The following PRKAR1A variants were observed in gnomAD, a reference collection of about 807,000 sequenced individuals.
The protein encoded by PRKAR1A is cAMP-dependent protein kinase type I-alpha regulatory subunit.
A neutral mutation model predicts 52.0 loss-of-function variants in PRKAR1A; 3 were observed. The observed-to-expected ratio is 0.06, with a 90% confidence interval of 0.03 to 0.15. The LOEUF (loss-of-function observed/expected upper bound fraction) is 0.15. Ranked by LOEUF, PRKAR1A falls within the 10% of genes least tolerant of loss-of-function variation. The probability of loss-of-function intolerance (pLI) is 1.00; values close to 1 mark genes in which losing one functional copy is unlikely to be tolerated. For missense variants in PRKAR1A, 240 were observed against 477.4 expected (o/e 0.50, Z 4.63); for synonymous variants, 188 against 168.4 (o/e 1.12, Z -0.90).
chr17:68,451,232 A>G, the PRKAR1A span, among the ~76,000 whole-genome samples: 4 of 152,350 alleles, frequency 2.6e-5, no homozygotes, highest in South Asian at 2.1e-4. Context: ...GGAGTTCAAG[A>G]CCAGCCTGGC....
At chr17:68,539,242 C>CAGT in intron 11 of PRKAR1A, 1 of 1,182,624 alleles carries the variant, frequency 8.5e-7, no homozygotes. Context: ...CGTCCTGGAC[C>CAGT]AGTGAAAACT....
the PRKAR1A span, chr17:68,436,550 T>C: frequency 1.4e-6 from 2 of 1,436,716 alleles, no homozygotes; most frequent in Admixed American, 3.5e-5. Flanking sequence ...AGAGGGCATC[T>C]GAAAACAGTA....
At chr17:68,440,263 C>G in the PRKAR1A span, among the ~76,000 whole-genome samples, 1 of 152,168 alleles carries the variant, frequency 6.6e-6, no homozygotes, top group East Asian at 1.9e-4. Context: ...TTCCCTATGG[C>G]CCAAGTGTCA....
the PRKAR1A span, among the ~76,000 whole-genome samples, chr17:68,481,766 T>C: frequency 6.6e-6 from 1 of 152,208 alleles, no homozygotes; most frequent in African/African-American, 2.4e-5. Flanking sequence ...AGGCACCCAT[T>C]GTATGCTGGT....
chr17:68,440,426 G>A, the PRKAR1A span, among the ~76,000 whole-genome samples: 2 of 152,104 alleles, frequency 1.3e-5, no homozygotes, highest in South Asian at 4.1e-4. Context: ...GGAAGGATAT[G>A]GGCTTTAAAA....
chr17:68,519,630 C>T (rs1382423577), intron 2 of PRKAR1A, among the ~76,000 whole-genome samples: 1 of 152,220 alleles, frequency 6.6e-6, no homozygotes, highest in Non-Finnish European at 1.5e-5. Context: ...TTCGTCATTA[C>T]TGGGGGGTTG....
chr17:68,536,506 CTT>C (rs904043261), downstream of PRKAR1A: 3 of 454,098 alleles, frequency 6.6e-6, no homozygotes, highest in Admixed American at 7.0e-5. Context: ...AAAAACCTGA[CTT>C]AGTCTTTTTT....
At chr17:68,503,820 A>G in the PRKAR1A span, among the ~76,000 whole-genome samples, 1 of 152,214 alleles carries the variant, frequency 6.6e-6, no homozygotes, top group South Asian at 2.1e-4. Context: ...AGAGAAACGC[A>G]GATCAAAACT....
chr17:68,415,026 A>G, the PRKAR1A span, among the ~76,000 whole-genome samples: 1 of 151,690 alleles, frequency 6.6e-6, no homozygotes, highest in African/African-American at 2.4e-5. Flanking sequence ...TTTCAATTTC[A>G]TTTAGTTCTG....
At chr17:68,515,666 A>G (rs1357412819) in intron 2 of PRKAR1A, 90 bp downstream of exon 2, 11 of 1,419,922 alleles carry the variant, frequency 7.7e-6, no homozygotes, top group Non-Finnish European at 1.1e-5. Flanking sequence ...TTTTTGGAAG[A>G]AAAGGAATCT....
At chr17:68,425,668 C>G in the PRKAR1A span, among the ~76,000 whole-genome samples, 4 of 152,146 alleles carry the variant, frequency 2.6e-5, no homozygotes, top group Non-Finnish European at 5.9e-5. Context: ...TGAAACCATC[C>G]CCTCCAGCAC....
the PRKAR1A span, among the ~76,000 whole-genome samples, chr17:68,434,792 C>A: frequency 6.6e-6 from 1 of 152,186 alleles, no homozygotes; most frequent in African/African-American, 2.4e-5. Context: ...ATCAACAATT[C>A]TTGGAAAATG....
the PRKAR1A span, among the ~76,000 whole-genome samples, chr17:68,457,842 A>C: frequency 2.0e-5 from 3 of 152,196 alleles, no homozygotes; most frequent in Non-Finnish European, 4.4e-5. Context: ...CAAAGGCAGC[A>C]GGCCCACGTG....
At chr17:68,499,211 T>C in the PRKAR1A span, among the ~76,000 whole-genome samples, 1 of 152,222 alleles carries the variant, frequency 6.6e-6, no homozygotes, top group East Asian at 1.9e-4. Context: ...GTGGAATTAC[T>C]TGTAGTTTCC....
chr17:68,473,754 T>C, the PRKAR1A span, among the ~76,000 whole-genome samples: 3 of 152,072 alleles, frequency 2.0e-5, no homozygotes, highest in Admixed American at 6.6e-5. Context: ...AATTCCTGAC[T>C]TTGTGATCCG....
intron 2 of PRKAR1A, among the ~76,000 whole-genome samples, chr17:68,519,394 G>C (rs2085532722): frequency 6.6e-6 from 1 of 152,216 alleles, no homozygotes; most frequent in African/African-American, 2.4e-5. Context: ...GCAAGGAGAA[G>C]GGTCAAGCAA....
chr17:68,448,783 G>A, the PRKAR1A span, among the ~76,000 whole-genome samples: 7 of 152,292 alleles, frequency 4.6e-5, no homozygotes, highest in South Asian at 2.1e-4. Context: ...GTTTAGCAGC[G>A]AAACTTAATC....
upstream of PRKAR1A, chr17:68,511,839 G>A (rs892222288): frequency 6.6e-6 from 1 of 152,074 alleles, no homozygotes; most frequent in African/African-American, 2.4e-5. Context: ...GCAGATCCGC[G>A]GGGGCCGCCA....
the PRKAR1A span, among the ~76,000 whole-genome samples, chr17:68,453,478 C>CTT: frequency 6.7e-6 from 1 of 148,680 alleles, no homozygotes. Context: ...CTTTTCTTTT[C>CTT]CTTTTTTTTT....
Sources: gnomAD v4.1 joint callset for allele counts (sites outside exome capture counted in the v4.1 genomes callset) on GRCh38, gnomAD v4.1.1 for gene constraint, MANE v1.5 for transcripts, NCBI Gene and HGNC (gene_info 2026-07-23, HGNC 2026-07-21) for gene names.